WWOX: variants seen among roughly 807,000 people sequenced by gnomAD.
The protein encoded by WWOX is WW domain-containing oxidoreductase.
In WWOX, 69 loss-of-function variants were observed where a neutral mutation model predicts 46.2. That is an observed-to-expected ratio of 1.49 (90% CI 1.23 to 1.82). WWOX has a LOEUF of 1.82. Among genes scored for constraint, WWOX ranks in the 40% most tolerant of loss-of-function variants. The pLI, the probability that WWOX is intolerant of heterozygous loss-of-function variation, is 0.00. For synonymous variants in WWOX, 359 were observed against 202.6 expected (o/e 1.77, Z -6.56); for missense variants, 919 against 542.6 (o/e 1.69, Z -6.89).
chr16:78,210,561 C>A (rs1476214543), intron 5 of WWOX, among the ~76,000 whole-genome samples: 2 of 152,106 alleles, frequency 1.3e-5, no homozygotes, highest in African/African-American at 4.8e-5. Context: ...TCATAAGGAA[C>A]TAAATCCTGC....
intron 8 of WWOX, among the ~76,000 whole-genome samples, chr16:79,012,174 A>C (rs941078325): frequency 6.6e-6 from 1 of 152,128 alleles, no homozygotes; most frequent in African/African-American, 2.4e-5. Context: ...TGCCCTGTCC[A>C]GTATAAAAGC....
At chr16:78,562,573 T>C (rs1878215868) in intron 8 of WWOX, among the ~76,000 whole-genome samples, 1 of 152,194 alleles carries the variant, frequency 6.6e-6, no homozygotes. Context: ...CGTGCCTCCC[T>C]CTGGGCTGAC....
chr16:78,312,610 G>C (rs911342188), intron 5 of WWOX, among the ~76,000 whole-genome samples: 2 of 152,100 alleles, frequency 1.3e-5, no homozygotes, highest in Non-Finnish European at 2.9e-5. Flanking sequence ...CCTGACCTGA[G>C]GTGATCCACC....
At chr16:78,174,464 C>G (rs1176462180) in intron 5 of WWOX, among the ~76,000 whole-genome samples, 5 of 152,060 alleles carry the variant, frequency 3.3e-5, no homozygotes, top group African/African-American at 1.2e-4. Flanking sequence ...GGGGCGCAGC[C>G]AAACCATATC....
At chr16:79,134,520 C>T (rs1305153362) in intron 8 of WWOX, among the ~76,000 whole-genome samples, 5 of 152,102 alleles carry the variant, frequency 3.3e-5, no homozygotes, top group African/African-American at 4.8e-5. Flanking sequence ...CTTCCCTACC[C>T]GGGGCCCACT....
At chr16:78,744,422 C>CTTTTTTTTTTTTT (rs976073233) in intron 8 of WWOX, among the ~76,000 whole-genome samples, 19 of 82,240 alleles carry the variant, frequency 2.3e-4, no homozygotes, top group African/African-American at 1.1e-3. Flanking sequence ...GTCCACACTG[C>CTTTTTTTTTTTTT]TTTTTTTTTT....
intron 8 of WWOX, among the ~76,000 whole-genome samples, chr16:78,909,191 T>A (rs1227462440): frequency 6.6e-6 from 1 of 152,238 alleles, no homozygotes; most frequent in East Asian, 1.9e-4. Flanking sequence ...TCCGTTATAA[T>A]TTTTGCAAAG....
intron 8 of WWOX, among the ~76,000 whole-genome samples, chr16:79,147,595 T>C (rs1321574750): frequency 6.6e-6 from 1 of 152,232 alleles, no homozygotes; most frequent in African/African-American, 2.4e-5. Context: ...TTTTCTTTTC[T>C]CTGGGATAAA....
chr16:78,397,108 G>C (rs1002598939), intron 6 of WWOX, among the ~76,000 whole-genome samples: 10 of 152,128 alleles, frequency 6.6e-5, no homozygotes, highest in Admixed American at 6.6e-4. Flanking sequence ...TCAATTCTTT[G>C]AAGAAACTCC....
At chr16:78,291,100 T>A (rs1024010883) in intron 5 of WWOX, among the ~76,000 whole-genome samples, 1 of 152,224 alleles carries the variant, frequency 6.6e-6, no homozygotes, top group Non-Finnish European at 1.5e-5. Context: ...TCTTTTGGTT[T>A]ATGATGTTTT....
chr16:78,617,586 A>T (rs1349927562), intron 8 of WWOX, among the ~76,000 whole-genome samples: 2 of 152,138 alleles, frequency 1.3e-5, no homozygotes, highest in Non-Finnish European at 1.5e-5. Flanking sequence ...GTGTGTTCTG[A>T]GGAAAGCAGG....
intron 6 of WWOX, among the ~76,000 whole-genome samples, chr16:78,418,816 A>T (rs1009936815): frequency 2.0e-5 from 3 of 152,172 alleles, no homozygotes; most frequent in African/African-American, 7.2e-5. Flanking sequence ...GGGCATCTGC[A>T]AAAAACCCAC....
intron 8 of WWOX, among the ~76,000 whole-genome samples, chr16:78,826,603 G>C (rs912702166): frequency 6.6e-6 from 1 of 152,170 alleles, no homozygotes; most frequent in Non-Finnish European, 1.5e-5. Flanking sequence ...CTGCTATGAA[G>C]ACACTTGTTT....
intron 8 of WWOX, among the ~76,000 whole-genome samples, chr16:78,734,705 GT>G (rs2049043997): frequency 6.6e-6 from 1 of 151,976 alleles, no homozygotes; most frequent in African/African-American, 2.4e-5. Context: ...ATTTAAATCA[GT>G]CACCTGATTA....
At chr16:78,960,665 C>T (rs1027750008) in intron 8 of WWOX, among the ~76,000 whole-genome samples, 2 of 152,168 alleles carry the variant, frequency 1.3e-5, no homozygotes, top group Non-Finnish European at 2.9e-5. Context: ...AACAGAGAGC[C>T]ATCAGGGACA....
At chr16:78,575,576 A>T (rs868103444) in intron 8 of WWOX, among the ~76,000 whole-genome samples, 1 of 152,132 alleles carries the variant, frequency 6.6e-6, no homozygotes, top group African/African-American at 2.4e-5. Flanking sequence ...TGGATCTCCC[A>T]CATGCCCTCT....
chr16:78,805,428 T>TG (rs1331330947), intron 8 of WWOX, among the ~76,000 whole-genome samples: 1 of 33,802 alleles, frequency 3.0e-5, no homozygotes, highest in Admixed American at 1.9e-4. Context: ...GCCTGGCTAA[T>TG]TTTTTTTTTT....
chr16:78,645,482 G>A (rs1415559161), intron 8 of WWOX, among the ~76,000 whole-genome samples: 1 of 152,160 alleles, frequency 6.6e-6, no homozygotes, highest in Non-Finnish European at 1.5e-5. Flanking sequence ...TTTGTCTCAT[G>A]TTTCTGCAGG....
chr16:78,354,924 A>T (rs960569423), intron 5 of WWOX, among the ~76,000 whole-genome samples: 2 of 152,146 alleles, frequency 1.3e-5, no homozygotes, highest in African/African-American at 4.8e-5. Context: ...ACCTGAGGTC[A>T]GGAATTCAAG....
Sources: allele counts gnomAD v4.1 joint callset (sites outside exome capture counted in the v4.1 genomes callset), GRCh38; gene constraint gnomAD v4.1.1; transcripts MANE v1.5; gene names NCBI Gene and HGNC (gene_info 2026-07-23, HGNC 2026-07-21).